Variants in SMAD7 observed in about 807,000 individuals in gnomAD.
SMAD7 encodes the protein MAD (mothers against decapentaplegic, Drosophila) homolog 7.
Under a neutral mutation model 38.7 loss-of-function variants are expected in SMAD7, and 8 were observed. The ratio of observed to expected loss-of-function variants is 0.21; its 90% CI spans 0.12 to 0.37. The LOEUF (loss-of-function observed/expected upper bound fraction) is 0.37. Ranked by LOEUF, SMAD7 falls within the 10% of genes least tolerant of loss-of-function variation. The pLI, the probability that SMAD7 is intolerant of heterozygous loss-of-function variation, is 1.00. For missense variants in SMAD7, 477 were observed against 577.9 expected (o/e 0.83, Z 1.79); for synonymous variants, 327 against 265.1 (o/e 1.23, Z -2.27).
chr18:48,924,834 G>A (rs1262757413), intron 3 of SMAD7, among the ~76,000 whole-genome samples: 1 of 152,212 alleles, frequency 6.6e-6, no homozygotes, highest in Non-Finnish European at 1.5e-5. Flanking sequence ...TTCGGCAACA[G>A]CAAAGGCCCC....
At chr18:48,932,764 G>A (rs918153209) in intron 3 of SMAD7, among the ~76,000 whole-genome samples, 1 of 152,266 alleles carries the variant, frequency 6.6e-6, no homozygotes, top group Non-Finnish European at 1.5e-5. Context: ...CCTCAGAAAC[G>A]GGCTTAACCC....
chr18:48,944,204 C>T (rs2070172361), intron 2 of SMAD7, among the ~76,000 whole-genome samples: 1 of 152,166 alleles, frequency 6.6e-6, no homozygotes. Context: ...CAACCCTCTC[C>T]TCCACCCACT....
intron 3 of SMAD7, among the ~76,000 whole-genome samples, chr18:48,941,562 G>A (rs979628242): frequency 6.6e-6 from 1 of 152,156 alleles, no homozygotes; most frequent in Non-Finnish European, 1.5e-5. Flanking sequence ...CTGCTACCAC[G>A]TGATCCTACA....
intron 3 of SMAD7, among the ~76,000 whole-genome samples, chr18:48,933,099 G>A (rs1275674736): frequency 6.6e-6 from 1 of 152,264 alleles, no homozygotes; most frequent in African/African-American, 2.4e-5. Context: ...GCGGGGTGGG[G>A]AGGCGGGCTG....
intron 3 of SMAD7, among the ~76,000 whole-genome samples, chr18:48,933,001 G>A (rs2070020727): frequency 6.6e-6 from 1 of 152,114 alleles, no homozygotes; most frequent in Non-Finnish European, 1.5e-5. Context: ...TCCACTCTGT[G>A]CTGTGCCCCA....
intron 3 of SMAD7, among the ~76,000 whole-genome samples, chr18:48,927,733 C>T (rs957755036): frequency 6.6e-6 from 1 of 152,208 alleles, no homozygotes; most frequent in African/African-American, 2.4e-5. Flanking sequence ...AAAATGCCCA[C>T]CAGTCTTCCT....
chr18:48,949,998 C>G lies in SMAD7; in HGVS notation c.427G>C (p.Gly143Arg), dbSNP rs1162071323. 6.3e-7 allele frequency: 1 copy of G among 1,583,812 alleles called. No individual in the cohort carries two copies. The highest frequency in any genetic ancestry group is 8.6e-7 in the Non-Finnish European group (1 of 1,166,504). Reference protein sequence around the residue: ...DCRLGPGAPAGAQPAQPPSSY... With the variant: ...DCRLGPGAPARAQPAQPPSSY... The stretch of plus-strand genomic sequence containing the variant: ...GAGGGCGGCTGCGCAGGCTGCGCGC[C>G]GGCGGGCGCCCCCGGGCCCAGCCTG... Residue 143 changes from glycine to arginine, a missense_variant, in exon 1 of 4, where the codon GGC becomes CGC. Physicochemically the swap from Gly to Arg is moderately radical, Grantham distance 125. Coordinates refer to ENST00000262158, the MANE Select transcript of SMAD7 (RefSeq NM_005904.4).
At chr18:48,946,112 C>G (rs1282045182) in intron 2 of SMAD7, among the ~76,000 whole-genome samples, 2 of 152,174 alleles carry the variant, frequency 1.3e-5, no homozygotes, top group African/African-American at 4.8e-5. Context: ...GTACCAGGCC[C>G]CAGCCCCATT....
chr18:48,944,215 C>A (rs138880728), intron 2 of SMAD7, among the ~76,000 whole-genome samples: 1 of 152,316 alleles, frequency 6.6e-6, no homozygotes, highest in East Asian at 1.9e-4. Context: ...TCCACCCACT[C>A]CTCCCAGATG....
intron 2 of SMAD7, among the ~76,000 whole-genome samples, chr18:48,946,430 C>T (rs188284388): frequency 6.2e-5 from 9 of 145,902 alleles, no homozygotes; most frequent in Admixed American, 1.4e-4. Context: ...GTGAGGGGGG[C>T]GGGGGGGGTG....
intron 2 of SMAD7, among the ~76,000 whole-genome samples, chr18:48,947,719 C>A (rs1158715077): frequency 1.3e-5 from 2 of 152,210 alleles, no homozygotes; most frequent in Non-Finnish European, 2.9e-5. Flanking sequence ...TGCAGACAAC[C>A]ACAACAGGGC....
intron 3 of SMAD7, among the ~76,000 whole-genome samples, chr18:48,938,996 C>T (rs1308897009): frequency 3.3e-5 from 5 of 152,196 alleles, no homozygotes; most frequent in Admixed American, 3.3e-4. Flanking sequence ...AACTCCACCC[C>T]ACAAGTCCAC....
At chr18:48,934,958 C>A (rs1012884060) in intron 3 of SMAD7, among the ~76,000 whole-genome samples, 3 of 152,204 alleles carry the variant, frequency 2.0e-5, no homozygotes, top group African/African-American at 7.2e-5. Context: ...GTCCTCAACA[C>A]CGCTGAAAGT....
chr18:48,933,144 C>G (rs2070022782), intron 3 of SMAD7, among the ~76,000 whole-genome samples: 1 of 152,200 alleles, frequency 6.6e-6, no homozygotes, highest in Non-Finnish European at 1.5e-5. Context: ...TCTGTTTATC[C>G]ACAAGCTTTG....
chr18:48,941,532 G>C (rs2070139577), intron 3 of SMAD7, among the ~76,000 whole-genome samples: 1 of 152,158 alleles, frequency 6.6e-6, no homozygotes, highest in African/African-American at 2.4e-5. Context: ...CACCACAACA[G>C]GGCACAGCTT....
At position 48,949,862 on chromosome 18, in the gene SMAD7, G is replaced by C; in HGVS notation, c.563C>G (p.Pro188Arg). Residue 188 changes from proline to arginine, a missense_variant, in exon 1 of 4, where the codon CCC becomes CGC. Coordinates refer to ENST00000262158, the MANE Select transcript of SMAD7 (RefSeq NM_005904.4). ...CCCESYGKIN[P>R]ELVCCNPHHL... ...ATGGGGGTTGCAGCACACCAGCTCG[G>C]GGTTGATCTTCCCGTAAGATTCACA... 6.2e-7 allele frequency: 1 copy of C among 1,612,782 alleles called. No homozygotes were observed. The highest frequency in any genetic ancestry group is 8.5e-7 in the Non-Finnish European group (1 of 1,179,412).
chr18:48,950,071 G>A lies in SMAD7; in HGVS notation c.354C>T (p.Arg118=). Residue 118 remains arginine, a synonymous_variant, in exon 1 of 4, where the codon CGC becomes CGT. Coordinates refer to ENST00000262158, the MANE Select transcript of SMAD7 (RefSeq NM_005904.4). The part of the protein sequence containing the change: ...LELLLQAVES[R]GGTRTACLLL... ...GGAGGCACGCGGTGCGCGTCCCGCCGCGGGACTCCACGGCCTGGAGCAGCA... is the reference window on the plus strand; with the variant it reads ...GGAGGCACGCGGTGCGCGTCCCGCCACGGGACTCCACGGCCTGGAGCAGCA... The A allele has an allele frequency of 6.9e-7, 1 of 1,449,888 alleles. No homozygotes were observed. 89.8% of individuals were successfully genotyped at this position (1,449,888 alleles called of 1,614,324 possible). A position where few individuals can be genotyped will look rare whatever the true frequency, so the allele number is the denominator to read the frequency against.
chr18:48,940,925 G>A (rs61174167), intron 3 of SMAD7, among the ~76,000 whole-genome samples: 18,116 of 152,062 alleles, frequency 0.12, 1,357 homozygotes, highest in East Asian at 0.34. Flanking sequence ...CATTTCCTCC[G>A]GCAGGGGAGA....
intron 3 of SMAD7, among the ~76,000 whole-genome samples, chr18:48,940,060 A>G (rs2070119608): frequency 6.6e-6 from 1 of 152,118 alleles, no homozygotes; most frequent in African/African-American, 2.4e-5. Flanking sequence ...TACAAAGAGG[A>G]CAGCCCTAGG....
Sources: allele counts gnomAD v4.1 joint callset (sites outside exome capture counted in the v4.1 genomes callset), GRCh38; gene constraint gnomAD v4.1.1; transcripts MANE v1.5; gene names NCBI Gene and HGNC (gene_info 2026-07-23, HGNC 2026-07-21).